Variants in CNOT2 observed in about 807,000 individuals in gnomAD.
CNOT2 encodes the protein CC chemokine receptor 4-negative regulator of transcription 2.
Under a neutral mutation model 72.1 loss-of-function variants are expected in CNOT2, and 7 were observed. That is an observed-to-expected ratio of 0.10 (90% CI 0.06 to 0.18). The LOEUF (loss-of-function observed/expected upper bound fraction) is 0.18. Ranked by LOEUF, CNOT2 falls within the 10% of genes least tolerant of loss-of-function variation. The pLI is 1.00. For missense variants in CNOT2, 345 were observed against 660.3 expected (o/e 0.52, Z 5.23); for synonymous variants, 196 against 225.6 (o/e 0.87, Z 1.17).
At chr12:70,303,474 G>A (rs954926009) in intron 2 of CNOT2, among the ~76,000 whole-genome samples, 4 of 152,058 alleles carry the variant, frequency 2.6e-5, no homozygotes, top group East Asian at 1.9e-4. Flanking sequence ...CTTCACTTAC[G>A]AAGCTTAGTT....
intron 5 of CNOT2, 103 bp from the exon 6 acceptor site, chr12:70,330,184 A>G (rs1034392504): frequency 3.6e-6 from 2 of 549,716 alleles, no homozygotes; most frequent in African/African-American, 3.9e-5. Flanking sequence ...CTGCAATTTG[A>G]AAGTATATTT....
chr12:70,287,538 A>G (rs1159408383), intron 2 of CNOT2, among the ~76,000 whole-genome samples: 2 of 149,750 alleles, frequency 1.3e-5, no homozygotes, highest in Non-Finnish European at 3.0e-5. Flanking sequence ...TGATACAATT[A>G]TTTGTTTATG....
At chr12:70,339,014 A>ATGTGTGTGTGTGTG (rs143055295) in intron 11 of CNOT2, among the ~76,000 whole-genome samples, 192 bp downstream of exon 11, 146 of 131,042 alleles carry the variant, frequency 1.1e-3, no homozygotes, top group African/African-American at 4.1e-3. Flanking sequence ...TTGGCATTTT[A>ATGTGTGTGTGTGTG]TGTGTGTGTG....
intron 3 of CNOT2, among the ~76,000 whole-genome samples, chr12:70,316,548 G>A (rs2135974834): frequency 6.6e-6 from 1 of 152,272 alleles, no homozygotes; most frequent in Non-Finnish European, 1.5e-5. Context: ...GTAATTTTAA[G>A]ATATGTCTGT....
At chr12:70,322,753 A>AT (rs1878491952) in intron 4 of CNOT2, 1 of 151,894 alleles carries the variant, frequency 6.6e-6, no homozygotes, top group South Asian at 2.1e-4. Context: ...TACTTGTTTC[A>AT]TAGAGAACCC....
At chr12:70,329,830 G>C (rs1311090252) in intron 5 of CNOT2, among the ~76,000 whole-genome samples, 1 of 151,910 alleles carries the variant, frequency 6.6e-6, no homozygotes, top group Non-Finnish European at 1.5e-5. Context: ...TTTTCAAAAG[G>C]CACCTGTCTT....
At chr12:70,252,193 T>G (rs1593028685) in intron 1 of CNOT2, among the ~76,000 whole-genome samples, 1 of 152,176 alleles carries the variant, frequency 6.6e-6, no homozygotes. Flanking sequence ...TTTATTTATT[T>G]ATTTCTTTTT....
intron 1 of CNOT2, among the ~76,000 whole-genome samples, chr12:70,268,008 AC>A (rs1959134540): frequency 6.6e-6 from 1 of 152,206 alleles, no homozygotes; most frequent in Non-Finnish European, 1.5e-5. Context: ...CTGACCCTTT[AC>A]GAAAAAGTTT....
intron 1 of CNOT2, among the ~76,000 whole-genome samples, chr12:70,257,430 G>T (rs908488385): frequency 1.4e-5 from 2 of 143,048 alleles, no homozygotes; most frequent in Admixed American, 7.9e-5. Flanking sequence ...GCACCATCTC[G>T]GCTCACTGCA....
At chr12:70,322,731 C>G (rs771470447) in intron 4 of CNOT2, 2 of 151,738 alleles carry the variant, frequency 1.3e-5, no homozygotes, top group Non-Finnish European at 2.9e-5. Flanking sequence ...TTAAGAACAC[C>G]TATGTGAAAG....
rs529035940 is a variant in CNOT2, at chr12:70,345,582, G to A, written c.1392-598G>A. The A allele has an allele frequency of 2.6e-5, 4 of 152,304 alleles. No individual in the cohort carries two copies. In the East Asian group the frequency reaches 7.7e-4, roughly 29 times the overall value. 9.4% of individuals were successfully genotyped at this position (152,304 alleles called of 1,614,324 possible). A position where few individuals can be genotyped will look rare whatever the true frequency, so the allele number is the denominator to read the frequency against. Reference sequence around the variant, plus strand: ...ATGTTACTTCCTCAGTTTACAAGTAGTGTAAATTCTCATTGATTCTTTTAT... The same window carrying A: ...ATGTTACTTCCTCAGTTTACAAGTAATGTAAATTCTCATTGATTCTTTTAT... On this transcript the variant is annotated intron_variant, in intron 14 of 15. Coordinates refer to ENST00000229195, the MANE Select transcript of CNOT2 (RefSeq NM_014515.7).
chr12:70,331,498 T>C (rs1353775997), intron 6 of CNOT2: 1 of 151,832 alleles, frequency 6.6e-6, no homozygotes, highest in Admixed American at 6.6e-5. Context: ...TACCTTTCCA[T>C]AGTTTTTCAC....
chr12:70,301,155 G>A (rs906627715), intron 2 of CNOT2, among the ~76,000 whole-genome samples: 1 of 152,176 alleles, frequency 6.6e-6, no homozygotes, highest in Admixed American at 6.5e-5. Flanking sequence ...ATACAGTCAT[G>A]TCACCTGCAA....
Position 70,254,524 on chromosome 12 carries a change from C to T in CNOT2, c.-96+11044C>T, listed in dbSNP as rs961856511. Among the ~76,000 whole-genome samples, 5 of 152,202 alleles carry T rather than the reference C, an allele frequency of 3.3e-5. No homozygotes were observed. The South Asian group carries it at 6.2e-4, about 19-fold the overall frequency. ...TTTTCCATGTAATATTTTTGTACTGCGGTTCACCATGAATAACTGAAACTG... is the reference window on the plus strand; with the variant it reads ...TTTTCCATGTAATATTTTTGTACTGTGGTTCACCATGAATAACTGAAACTG... On this transcript the variant is annotated intron_variant, in intron 1 of 15. Transcript: ENST00000229195.
At position 70,344,780 on chromosome 12, in the gene CNOT2, A is replaced by G. The variant is rs1239254852; in HGVS notation, c.1391+552A>G. 3 of 152,230 alleles carry G rather than the reference A, an allele frequency of 2.0e-5. No homozygotes were observed. In the East Asian group the frequency reaches 5.8e-4, roughly 29 times the overall value. 9.4% of individuals were successfully genotyped at this position (152,230 alleles called of 1,614,324 possible). A position where few individuals can be genotyped will look rare whatever the true frequency, so the allele number is the denominator to read the frequency against. The stretch of plus-strand genomic sequence containing the variant: ...TAAGAAGACAGAATTGACATAACTC[A>G]TGGATTTGGTGAATCTAATTTTTGT... On this transcript the variant is annotated intron_variant, in intron 14 of 15. Transcript: ENST00000229195.
chr12:70,246,066 T>G (rs1461369227), intron 1 of CNOT2, among the ~76,000 whole-genome samples: 1 of 152,308 alleles, frequency 6.6e-6, no homozygotes, highest in East Asian at 1.9e-4. Context: ...GTGACAGACT[T>G]ACTTCATAAG....
intron 3 of CNOT2, among the ~76,000 whole-genome samples, chr12:70,314,637 A>C (rs187313099): frequency 1.1e-4 from 16 of 152,312 alleles, no homozygotes; most frequent in African/African-American, 3.8e-4. Flanking sequence ...TCAAGTGTTT[A>C]AGGAATTAAG....
intron 1 of CNOT2, chr12:70,244,306 C>T (rs1285229770): frequency 2.0e-5 from 3 of 152,206 alleles, no homozygotes; most frequent in African/African-American, 4.8e-5. Flanking sequence ...GCAGGGGCCT[C>T]TCCACCTTTT....
intron 2 of CNOT2, among the ~76,000 whole-genome samples, chr12:70,285,204 G>GT (rs1870653672): frequency 1.3e-5 from 2 of 150,454 alleles, no homozygotes; most frequent in South Asian, 4.2e-4. Flanking sequence ...TTTTGATTTT[G>GT]TTTTTGTTTT....
Sources: allele counts gnomAD v4.1 joint callset (sites outside exome capture counted in the v4.1 genomes callset), GRCh38; gene constraint gnomAD v4.1.1; transcripts MANE v1.5; gene names NCBI Gene and HGNC (gene_info 2026-07-23, HGNC 2026-07-21).